Variants in NINL observed in about 807,000 individuals in gnomAD.
NINL encodes the protein ninein-like protein.
NINL carries 153 observed loss-of-function variants against 160.3 expected under a neutral mutation model. The observed-to-expected ratio is 0.95, with a 90% CI of 0.84 to 1.09. NINL has a LOEUF of 1.09. Ranked by LOEUF, NINL falls within the 50% of genes least tolerant of loss-of-function variation. The probability of loss-of-function intolerance (pLI) is 0.00; values close to 1 mark genes in which losing one functional copy is unlikely to be tolerated. For synonymous variants in NINL, 800 were observed against 734.8 expected (o/e 1.09, Z -1.43); for missense variants, 1,829 against 1,764.0 (o/e 1.04, Z -0.66).
At chr20:25,558,783 G>A (rs112787388) in intron 1 of NINL, among the ~76,000 whole-genome samples, 4 of 152,200 alleles carry the variant, frequency 2.6e-5, no homozygotes, top group East Asian at 1.9e-4. Flanking sequence ...GGCAGGCAGA[G>A]GCACAGAGTA....
rs189543532 is a variant in NINL at position 25,459,652 on chromosome 20, C to T, written c.3697-1123G>A. Among the ~76,000 whole-genome samples the T allele has an allele frequency of 2.1e-4, 32 of 152,298 alleles. 1 individual carries two copies. Among genetic ancestry groups the T allele is most frequent in the South Asian group, 8.3e-4 (4 of 4,824 alleles). On this transcript the variant is annotated intron_variant, in intron 21 of 23. Coordinates refer to ENST00000278886, the MANE Select transcript of NINL (RefSeq NM_025176.6). ...TGGCCCGGCACCCCAACTCCCTGGG[C>T]TCTGATGCTTGCAGGTCCTTGGACT...
intron 1 of NINL, among the ~76,000 whole-genome samples, chr20:25,584,880 G>A (rs921916028): frequency 1.3e-5 from 2 of 152,248 alleles, no homozygotes; most frequent in South Asian, 2.1e-4. Flanking sequence ...GGGAGGAAAG[G>A]GGCGAATCTG....
At chr20:25,466,447 T>C (rs1043927444) in intron 19 of NINL, among the ~76,000 whole-genome samples, 13 of 152,222 alleles carry the variant, frequency 8.5e-5, no homozygotes, top group Non-Finnish European at 8.8e-5. Context: ...TGTGGATGTA[T>C]GTGGATGATC....
intron 1 of NINL, among the ~76,000 whole-genome samples, chr20:25,556,165 C>T (rs997717774): frequency 6.6e-6 from 1 of 152,070 alleles, no homozygotes; most frequent in African/African-American, 2.4e-5. Context: ...GCTTGTAGTT[C>T]CAGATATTCA....
chr20:25,525,651 CA>C (rs1230434549), intron 2 of NINL, among the ~76,000 whole-genome samples: 2 of 151,818 alleles, frequency 1.3e-5, no homozygotes, highest in East Asian at 3.9e-4. Context: ...GAGACTGTCT[CA>C]AAAAAACAAA....
At chr20:25,506,087 C>A (rs576333840) in intron 5 of NINL, among the ~76,000 whole-genome samples, 1 of 152,252 alleles carries the variant, frequency 6.6e-6, no homozygotes, top group South Asian at 2.1e-4. Flanking sequence ...ATTGGTGAAA[C>A]CCCGTCTCTA....
intron 21 of NINL, among the ~76,000 whole-genome samples, chr20:25,459,162 C>T (rs2090771392): frequency 1.3e-5 from 2 of 152,190 alleles, no homozygotes; most frequent in Admixed American, 1.3e-4. Flanking sequence ...TAAGAACTGG[C>T]CACGCCACCC....
intron 1 of NINL, among the ~76,000 whole-genome samples, chr20:25,554,889 T>C (rs1464919631): frequency 1.3e-5 from 2 of 152,220 alleles, no homozygotes; most frequent in South Asian, 2.1e-4. Flanking sequence ...TGGCAGTATG[T>C]GCCACTCAGG....
chr20:25,502,510 TAGAC>T (rs1256826858), intron 7 of NINL, among the ~76,000 whole-genome samples: 2 of 152,166 alleles, frequency 1.3e-5, no homozygotes, highest in African/African-American at 2.4e-5. Context: ...GGACCAATCT[TAGAC>T]AGACTCGATG....
chr20:25,489,329 A>T lies in NINL; in HGVS notation c.1597-5T>A. 1 of 1,613,426 alleles carries T rather than the reference A, an allele frequency of 6.2e-7. No homozygotes were observed. Among genetic ancestry groups the T allele is most frequent in the South Asian group, 1.1e-5 (1 of 91,082 alleles). On this transcript the variant is annotated splice_polypyrimidine_tract_variant and splice_region_variant and intron_variant, in intron 12 of 23. Transcript: ENST00000278886. ...CTCTGCACTCTGTGGCTCCAGCTGA[A>T]AGGCAGACACAAAGGAAGTCACGGG... is the stretch of plus-strand genomic sequence containing the variant.
intron 19 of NINL, among the ~76,000 whole-genome samples, chr20:25,465,409 C>T (rs1285389430): frequency 6.6e-6 from 1 of 152,210 alleles, no homozygotes; most frequent in Non-Finnish European, 1.5e-5. Flanking sequence ...TCCCCCGCGG[C>T]TCCAGGGACT....
At chr20:25,469,685 T>C (rs1302147007) in intron 18 of NINL, among the ~76,000 whole-genome samples, 1 of 152,076 alleles carries the variant, frequency 6.6e-6, no homozygotes, top group Non-Finnish European at 1.5e-5. Context: ...GTGCATCATC[T>C]CTGTGGGGTG....
chr20:25,537,978 C>G (rs1189365202), intron 1 of NINL, among the ~76,000 whole-genome samples: 5 of 152,206 alleles, frequency 3.3e-5, no homozygotes, highest in Admixed American at 2.0e-4. Flanking sequence ...TCTACCCACC[C>G]CAGCGGTATC....
intron 2 of NINL, among the ~76,000 whole-genome samples, chr20:25,518,410 TTTA>T (rs765824482): frequency 2.0e-4 from 30 of 152,194 alleles, no homozygotes; most frequent in Admixed American, 9.2e-4. Context: ...AACTGAACCT[TTTA>T]TTATAACAAA....
chr20:25,578,627 A>C (rs1423934422), intron 1 of NINL, among the ~76,000 whole-genome samples: 1 of 151,690 alleles, frequency 6.6e-6, no homozygotes, highest in Non-Finnish European at 1.5e-5. Context: ...CCCCGTCTCT[A>C]CTAAAAATAG....
chr20:25,529,960 G>A (rs1287968638), intron 1 of NINL, among the ~76,000 whole-genome samples: 1 of 152,252 alleles, frequency 6.6e-6, no homozygotes, highest in African/African-American at 2.4e-5. Context: ...GCAAAGGGGA[G>A]CAGGATGCCT....
chr20:25,519,296 T>C (rs572646475), intron 2 of NINL, among the ~76,000 whole-genome samples: 1 of 152,188 alleles, frequency 6.6e-6, no homozygotes, highest in Non-Finnish European at 1.5e-5. Context: ...TGTTATCATG[T>C]ATTTTATATG....
chr20:25,521,925 C>T (rs2064270447), intron 2 of NINL, among the ~76,000 whole-genome samples: 2 of 152,244 alleles, frequency 1.3e-5, no homozygotes, highest in Non-Finnish European at 1.5e-5. Context: ...TAATTTACTA[C>T]ACTTTTTTTT....
intron 17 of NINL, 141 bp from the exon 18 acceptor site, chr20:25,470,236 T>C: frequency 1.5e-6 from 1 of 669,780 alleles, no homozygotes; most frequent in Admixed American, 2.4e-5. Context: ...ACCATTCCTT[T>C]CCCTCTTCCT....
Sources: allele counts gnomAD v4.1 joint callset (sites outside exome capture counted in the v4.1 genomes callset), GRCh38; gene constraint gnomAD v4.1.1; transcripts MANE v1.5; gene names NCBI Gene and HGNC (gene_info 2026-07-23, HGNC 2026-07-21).